GPHN: variants seen among roughly 807,000 people sequenced by gnomAD.
GPHN encodes the protein gephyrin.
GPHN carries 17 observed loss-of-function variants against 95.5 expected under a neutral mutation model. The observed-to-expected ratio is 0.18, with a 90% confidence interval of 0.12 to 0.27. The LOEUF is 0.27. Ranked by LOEUF, GPHN falls within the 10% of genes least tolerant of loss-of-function variation. GPHN has a pLI of 1.00. For synonymous variants in GPHN, 320 were observed against 322.5 expected, an observed-to-expected ratio of 0.99 and a Z score of 0.08; for missense variants, 660 against 978.1, an observed-to-expected ratio of 0.67 and a Z score of 4.34.
At chr14:66,834,150 T>G (rs2061695077) in intron 4 of GPHN, among the ~76,000 whole-genome samples, 1 of 152,204 alleles carries the variant, frequency 6.6e-6, no homozygotes, top group Non-Finnish European at 1.5e-5. Flanking sequence ...AAAAGAAGGT[T>G]AATTCCTCCT....
chr14:67,308,170 A>G, the GPHN span, among the ~76,000 whole-genome samples: 2 of 151,944 alleles, frequency 1.3e-5, no homozygotes, highest in Admixed American at 6.6e-5. Context: ...CTGTACAACA[A>G]ACCCCCAACA....
intron 1 of GPHN, among the ~76,000 whole-genome samples, chr14:66,524,948 G>A (rs112916767): frequency 5.9e-4 from 89 of 152,100 alleles, no homozygotes; most frequent in African/African-American, 1.8e-3. Context: ...GAACAGTGCC[G>A]CAGTAAACAT....
the GPHN span, chr14:67,364,809 T>C: frequency 3.7e-6 from 6 of 1,613,866 alleles, no homozygotes; most frequent in Non-Finnish European, 5.1e-6. Context: ...ACAAATTTCC[T>C]GAGGTGGAAG....
At chr14:67,363,048 T>C in the GPHN span, among the ~76,000 whole-genome samples, 7 of 152,212 alleles carry the variant, frequency 4.6e-5, no homozygotes, top group Non-Finnish European at 8.8e-5. Flanking sequence ...CTTTACTGTT[T>C]GGAGAAGCTT....
chr14:67,042,087 T>C (rs1428665640), intron 10 of GPHN, among the ~76,000 whole-genome samples: 3 of 152,114 alleles, frequency 2.0e-5, no homozygotes, highest in Non-Finnish European at 4.4e-5. Flanking sequence ...TAAATTTGTT[T>C]GAGTTCTTTG....
the GPHN span, chr14:67,208,526 A>C: frequency 7.0e-7 from 1 of 1,436,732 alleles, no homozygotes; most frequent in South Asian, 1.4e-5. Flanking sequence ...TTAGTCTCTT[A>C]ACTCAGGCAT....
intron 5 of GPHN, among the ~76,000 whole-genome samples, chr14:66,890,509 A>G (rs1028159162): frequency 6.6e-6 from 1 of 152,160 alleles, no homozygotes; most frequent in Non-Finnish European, 1.5e-5. Context: ...TTCAAGAACA[A>G]CTGACACTGG....
intron 4 of GPHN, among the ~76,000 whole-genome samples, chr14:66,826,529 C>T (rs963561417): frequency 6.6e-6 from 1 of 152,154 alleles, no homozygotes; most frequent in African/African-American, 2.4e-5. Context: ...CCAGGCTAGT[C>T]AAAATTCTGT....
chr14:67,641,098 T>C, the GPHN span, among the ~76,000 whole-genome samples: 3 of 152,196 alleles, frequency 2.0e-5, no homozygotes, highest in Admixed American at 6.5e-5. Flanking sequence ...CAAACAATCA[T>C]ATTGTCCACA....
chr14:66,830,192 T>C (rs1596053882), intron 4 of GPHN, among the ~76,000 whole-genome samples: 1 of 152,162 alleles, frequency 6.6e-6, no homozygotes, highest in East Asian at 1.9e-4. Context: ...TCATCTTTAC[T>C]CACATTTTTT....
chr14:67,359,897 A>C, the GPHN span: 2 of 601,820 alleles, frequency 3.3e-6, no homozygotes, highest in Non-Finnish European at 5.7e-6. Flanking sequence ...GGGAGGACAG[A>C]ACAGAGGCGT....
chr14:66,554,754 A>G (rs897606719), intron 1 of GPHN, among the ~76,000 whole-genome samples: 4 of 152,312 alleles, frequency 2.6e-5, no homozygotes, highest in Admixed American at 2.6e-4. Flanking sequence ...TAGTACTTGT[A>G]CAAACTTTAG....
chr14:66,730,421 G>A (rs1432210753), intron 2 of GPHN, among the ~76,000 whole-genome samples: 1 of 152,018 alleles, frequency 6.6e-6, no homozygotes, highest in Non-Finnish European at 1.5e-5. Flanking sequence ...GACTTTTTTA[G>A]GTGTTTTAGA....
intron 1 of GPHN, among the ~76,000 whole-genome samples, chr14:66,624,723 A>G (rs529236683): frequency 6.6e-6 from 1 of 152,342 alleles, no homozygotes; most frequent in African/African-American, 2.4e-5. Context: ...CATTGGGGGA[A>G]AAAGAATACA....
chr14:67,167,322 T>G (rs774678753), intron 20 of GPHN, among the ~76,000 whole-genome samples: 4 of 152,210 alleles, frequency 2.6e-5, no homozygotes, highest in African/African-American at 4.8e-5. Flanking sequence ...GTGGTAGTAT[T>G]ACATGGATTT....
chr14:66,522,942 T>G (rs576529778), intron 1 of GPHN, among the ~76,000 whole-genome samples: 2 of 152,222 alleles, frequency 1.3e-5, no homozygotes, highest in Non-Finnish European at 2.9e-5. Context: ...CTATTTTGGA[T>G]TTTTTCAGTG....
the GPHN span, among the ~76,000 whole-genome samples, chr14:67,457,824 T>C: frequency 1.3e-5 from 2 of 152,176 alleles, no homozygotes; most frequent in Non-Finnish European, 2.9e-5. Flanking sequence ...GTGAAATGAC[T>C]CCCCTGCTAT....
chr14:66,972,556 T>C (rs558422518), intron 9 of GPHN, among the ~76,000 whole-genome samples: 1 of 152,064 alleles, frequency 6.6e-6, no homozygotes, highest in South Asian at 2.1e-4. Context: ...CAGAAGTATT[T>C]TGTTCATACG....
chr14:67,353,881 T>G, the GPHN span: 38 of 151,916 alleles, frequency 2.5e-4, no homozygotes, highest in African/African-American at 9.2e-4. Flanking sequence ...CTCTAACTCC[T>G]GGTCTCATGA....
Sources: allele counts gnomAD v4.1 joint callset (sites outside exome capture counted in the v4.1 genomes callset), GRCh38; gene constraint gnomAD v4.1.1; transcripts MANE v1.5; gene names NCBI Gene and HGNC (gene_info 2026-07-23, HGNC 2026-07-21).